ATP13A3: variants seen among roughly 807,000 people sequenced by gnomAD.
The protein encoded by ATP13A3 is ATPase 13A3.
ATP13A3 carries 59 observed loss-of-function variants against 158.1 expected under a neutral mutation model. The observed-to-expected ratio is 0.37, with a 90% CI of 0.30 to 0.46. The LOEUF (loss-of-function observed/expected upper bound fraction) is 0.46, where lower values mean the gene tolerates loss of function less well. ATP13A3 is among the 20% of genes least tolerant of loss of function. ATP13A3 has a pLI of 1.00. For missense variants in ATP13A3, 1,166 were observed against 1,525.2 expected (o/e 0.76, Z 3.92); for synonymous variants, 491 against 504.3 (o/e 0.97, Z 0.35).
At chr3:194,413,064 TAA>T (rs1715554865) in intron 32 of ATP13A3, 1 of 152,252 alleles carries the variant, frequency 6.6e-6, no homozygotes, top group African/African-American at 2.4e-5. Flanking sequence ...ATAGTTACTG[TAA>T]GAGTCAATTA....
intron 21 of ATP13A3, among the ~76,000 whole-genome samples, chr3:194,432,637 C>T (rs1210403664): frequency 2.0e-5 from 3 of 152,084 alleles, no homozygotes; most frequent in Admixed American, 1.3e-4. Context: ...ACAAAGAAGA[C>T]GCAAGAACTA....
chr3:194,411,360 C>T (rs998542195), intron 33 of ATP13A3, among the ~76,000 whole-genome samples: 1 of 152,162 alleles, frequency 6.6e-6, no homozygotes, highest in Non-Finnish European at 1.5e-5. Flanking sequence ...TAAAGCACAT[C>T]ACCCATCTCT....
chr3:194,472,795 C>G (rs933324401), intron 2 of ATP13A3, among the ~76,000 whole-genome samples: 2 of 152,198 alleles, frequency 1.3e-5, no homozygotes, highest in South Asian at 4.1e-4. Context: ...GGCACACATA[C>G]ACTATGGAAT....
At chr3:194,435,742 A>T (rs1717586247) in intron 20 of ATP13A3, among the ~76,000 whole-genome samples, 1 of 152,150 alleles carries the variant, frequency 6.6e-6, no homozygotes, top group African/African-American at 2.4e-5. Context: ...CCCTGTCTCT[A>T]CCTAAAATAC....
intron 33 of ATP13A3, 34 bp from the exon 34 acceptor site, chr3:194,406,150 C>T (rs192092095): frequency 6.2e-6 from 10 of 1,603,186 alleles, no homozygotes; most frequent in Non-Finnish European, 8.5e-6. Flanking sequence ...AACAAAACAC[C>T]CCAGTTGATT....
chr3:194,442,632 C>T lies in ATP13A3; in HGVS notation c.1560-1171G>A, dbSNP rs866793027. ...GTTGTCCAACACATGGTTAGGATTC[C>T]CAGAAGGAGAGAAAACAAAACACAA... On this transcript the variant is annotated intron_variant, in intron 15 of 33. Coordinates refer to ENST00000645319, the MANE Select transcript of ATP13A3 (RefSeq NM_001367549.1). Among the ~76,000 whole-genome samples the T allele has an allele frequency of 2.0e-5, 3 of 151,534 alleles. No individual in the cohort carries two copies. The South Asian group carries it at 6.3e-4, about 32-fold the overall frequency.
intron 33 of ATP13A3, among the ~76,000 whole-genome samples, 190 bp from the exon 34 acceptor site, chr3:194,406,306 C>T (rs535485263): frequency 5.3e-5 from 8 of 152,024 alleles, no homozygotes; most frequent in East Asian, 1.9e-4. Context: ...GGCTCATGTC[C>T]GAAATCCCAG....
chr3:194,487,719 T>A (rs1721066650), upstream of ATP13A3: 1 of 152,256 alleles, frequency 6.6e-6, no homozygotes, highest in Non-Finnish European at 1.5e-5. Flanking sequence ...CTGCGTCCTC[T>A]CCGCGACGCG....
intron 17 of ATP13A3, 71 bp from the exon 18 acceptor site, chr3:194,437,644 TTAC>T (rs1177672002): frequency 1.4e-6 from 2 of 1,398,270 alleles, no homozygotes; most frequent in East Asian, 4.9e-5. Context: ...TAGAAAAAGT[TTAC>T]TAAGCATCCA....
intron 7 of ATP13A3, among the ~76,000 whole-genome samples, chr3:194,456,368 AC>A (rs1719227566): frequency 6.6e-6 from 1 of 152,082 alleles, no homozygotes; most frequent in African/African-American, 2.4e-5. Context: ...TTAGTTCAAA[AC>A]ATTGTACATT....
intron 2 of ATP13A3, among the ~76,000 whole-genome samples, chr3:194,479,843 T>C (rs892658740): frequency 6.6e-6 from 1 of 151,980 alleles, no homozygotes; most frequent in Non-Finnish European, 1.5e-5. Context: ...AGTAACAAGA[T>C]GGGAGAGAAA....
intron 21 of ATP13A3, among the ~76,000 whole-genome samples, chr3:194,433,170 C>T (rs1168168204): frequency 6.7e-5 from 10 of 148,718 alleles, no homozygotes; most frequent in Non-Finnish European, 3.0e-5. Context: ...AAGAAATATA[C>T]GAATAAAGAG....
chr3:194,436,007 T>G (rs1577053807), intron 20 of ATP13A3, among the ~76,000 whole-genome samples: 1 of 152,178 alleles, frequency 6.6e-6, no homozygotes, highest in African/African-American at 2.4e-5. Flanking sequence ...CTTGCTAGTG[T>G]GAAGCTATAA....
chr3:194,435,399 T>C (rs914955142), intron 20 of ATP13A3, among the ~76,000 whole-genome samples: 3 of 151,968 alleles, frequency 2.0e-5, no homozygotes, highest in Admixed American at 6.6e-5. Context: ...AGTTAGTGAA[T>C]AGTCCAATAT....
intron 2 of ATP13A3, among the ~76,000 whole-genome samples, chr3:194,471,376 C>T (rs988792035): frequency 1.4e-4 from 20 of 144,806 alleles, no homozygotes; most frequent in Non-Finnish European, 2.4e-4. Flanking sequence ...AAATTTGAGA[C>T]AGCATCTTGC....
At chr3:194,458,311 C>G (rs1719386499) in intron 6 of ATP13A3, among the ~76,000 whole-genome samples, 1 of 151,634 alleles carries the variant, frequency 6.6e-6, no homozygotes, top group Admixed American at 6.6e-5. Context: ...GATGACTTCT[C>G]CAGAAGGCAG....
rs1291925112 is a variant in ATP13A3 at position 194,454,294 on chromosome 3, T to C, written c.729A>G (p.Ile243Met). The change falls in exon 9 of 34, where the codon ATA (isoleucine) becomes ATG (methionine). Residue 243 changes from isoleucine to methionine, a missense_variant. By Grantham distance (10) the Ile-to-Met change is conservative. This residue lies in a region of ATP13A3 where 997 missense variants were observed against 1,341.2 expected (regional missense o/e 0.74). Transcript: ENST00000645319. ...YYALAIVVMSIVSIVSSLYSI... is the reference protein window; with the variant it reads ...YYALAIVVMSMVSIVSSLYSI... The stretch of plus-strand genomic sequence containing the variant: ...AATATAGTGAGCTTACGATTGATAC[T>C]ATGGACATAACCACAATAGCTAGAG... 3.1e-6 allele frequency: 5 copies of C among 1,608,688 alleles called. No homozygotes were observed. The highest frequency in any genetic ancestry group is 4.3e-6 in the Non-Finnish European group (5 of 1,175,614).
rs1715495477 is a variant in ATP13A3, at chr3:194,412,258, C to G, written c.3514G>C (p.Val1172Leu). 2 of 1,536,338 alleles carry G rather than the reference C, an allele frequency of 1.3e-6. No homozygotes were observed. The highest frequency in any genetic ancestry group is 1.7e-6 in the Non-Finnish European group (2 of 1,147,000). ...NFFLDMVLWK[V>L]VFNRDKQGEY... The stretch of plus-strand genomic sequence containing the variant: ...CCTTGTTTGTCTCGGTTGAACACAA[C>G]TTTCCAAAGGACCATGTCAAGGAAG... Residue 1172 changes from valine to leucine, a missense_variant, in exon 33 of 34, where the codon GTT becomes CTT. This residue lies in a region of ATP13A3 where 997 missense variants were observed against 1,341.2 expected (regional missense o/e 0.74). Transcript: ENST00000645319.
chr3:194,407,560 A>G (rs1449988010), intron 33 of ATP13A3, among the ~76,000 whole-genome samples: 1 of 152,218 alleles, frequency 6.6e-6, no homozygotes, highest in African/African-American at 2.4e-5. Context: ...CGCTGAGAGC[A>G]CGGTAAACGT....
Sources: allele counts gnomAD v4.1 joint callset (sites outside exome capture counted in the v4.1 genomes callset), GRCh38; gene constraint gnomAD v4.1.1; regional missense constraint gnomAD v4.1.1; transcripts MANE v1.5; gene names NCBI Gene and HGNC (gene_info 2026-07-23, HGNC 2026-07-21).